GRM1: variants seen among roughly 807,000 people sequenced by gnomAD.
GRM1 encodes metabotropic glutamate receptor 1.
GRM1 carries 33 observed loss-of-function variants against 90.9 expected under a neutral mutation model. The ratio of observed to expected loss-of-function variants is 0.36; its 90% CI spans 0.28 to 0.49. The LOEUF is 0.49. Among genes scored for constraint, GRM1 ranks in the 20% least tolerant of loss-of-function variants. The probability of loss-of-function intolerance (pLI) is 0.99; values close to 1 mark genes in which losing one functional copy is unlikely to be tolerated. For synonymous variants in GRM1, 700 were observed against 613.2 expected (o/e 1.14, Z -2.09); for missense variants, 1,190 against 1,534.3 (o/e 0.78, Z 3.75).
rs77026887 is a variant in GRM1 at position 146,125,082 on chromosome 6, A to G, written c.701-34266A>G. Among the ~76,000 whole-genome samples the G allele has an allele frequency of 3.2e-3, 488 of 152,276 alleles. 1 individual carries two copies. Among genetic ancestry groups the G allele is most frequent in the African/African-American group, 0.011 (473 of 41,574 alleles). ...ACTCCAAATAGGTTTGAGATCAAGA[A>G]TGACCCAGGCTAGTTTTTATATTTC... On this transcript the variant is annotated intron_variant, in intron 1 of 7. Transcript: ENST00000282753.
At chr6:146,121,623 C>G (rs1562477015) in intron 1 of GRM1, among the ~76,000 whole-genome samples, 1 of 152,150 alleles carries the variant, frequency 6.6e-6, no homozygotes, top group Non-Finnish European at 1.5e-5. Context: ...CCCAGAGATT[C>G]TGGTATGTTG....
chr6:146,065,666 A>G (rs1171646755), intron 1 of GRM1, among the ~76,000 whole-genome samples: 2 of 152,200 alleles, frequency 1.3e-5, no homozygotes, highest in Non-Finnish European at 2.9e-5. Flanking sequence ...GGATAGAAGC[A>G]GGGTAGACCC....
At chr6:146,328,996 A>G (rs1784498508) in intron 3 of GRM1, among the ~76,000 whole-genome samples, 1 of 152,194 alleles carries the variant, frequency 6.6e-6, no homozygotes, top group South Asian at 2.1e-4. Flanking sequence ...AAATGCCACT[A>G]GTGTGAACCC....
intron 2 of GRM1, among the ~76,000 whole-genome samples, chr6:146,222,115 T>C (rs1340251510): frequency 1.3e-5 from 2 of 152,112 alleles, no homozygotes; most frequent in African/African-American, 4.8e-5. Flanking sequence ...ACCTGGTTAA[T>C]CCTTGCTTCT....
chr6:146,334,775 A>G (rs994174834), intron 3 of GRM1, among the ~76,000 whole-genome samples: 2 of 152,128 alleles, frequency 1.3e-5, no homozygotes, highest in Non-Finnish European at 2.9e-5. Flanking sequence ...ATGGATCATC[A>G]TTTGCATCTT....
intron 1 of GRM1, among the ~76,000 whole-genome samples, chr6:146,105,849 A>T (rs1208873064): frequency 6.6e-6 from 1 of 152,042 alleles, no homozygotes; most frequent in Non-Finnish European, 1.5e-5. Flanking sequence ...ACAGATTGGG[A>T]CTCCACAGGC....
chr6:146,397,585 A>G (rs1028775039), intron 6 of GRM1, among the ~76,000 whole-genome samples: 1 of 151,666 alleles, frequency 6.6e-6, no homozygotes, highest in Admixed American at 6.6e-5. Flanking sequence ...GCAGAAGACT[A>G]TTCATTTTAT....
intron 1 of GRM1, among the ~76,000 whole-genome samples, chr6:146,094,348 C>G (rs1429211002): frequency 6.6e-6 from 1 of 152,008 alleles, no homozygotes; most frequent in African/African-American, 2.4e-5. Flanking sequence ...TAGTCCTGGT[C>G]AGGGGCATAG....
intron 2 of GRM1, among the ~76,000 whole-genome samples, chr6:146,206,392 C>G (rs1213581956): frequency 6.6e-6 from 1 of 152,098 alleles, no homozygotes; most frequent in African/African-American, 2.4e-5. Context: ...GATCTTGATA[C>G]TGTCAGTTGC....
chr6:146,214,307 A>G (rs1238466161), intron 2 of GRM1, among the ~76,000 whole-genome samples: 1 of 152,222 alleles, frequency 6.6e-6, no homozygotes, highest in East Asian at 1.9e-4. Context: ...CTAAGCCATA[A>G]TGGGTCTCAT....
In GRM1 at chr6:146,183,949, G is replaced by T. The variant is rs59399531; in HGVS notation, c.950+24352G>T. On this transcript the variant is annotated intron_variant, in intron 2 of 7. Coordinates refer to ENST00000282753, the MANE Select transcript of GRM1 (RefSeq NM_001278064.2). ...ATCTCAGGAACTACAGCAATAATCA[G>T]GCCACTTAGTCTGTAAATCACACTT... is the stretch of plus-strand genomic sequence containing the variant. Among the ~76,000 whole-genome samples the T allele has an allele frequency of 1.2e-3, 184 of 152,218 alleles. 2 individuals carry two copies. In the East Asian group the frequency reaches 0.017, roughly 14 times the overall value.
intron 2 of GRM1, among the ~76,000 whole-genome samples, chr6:146,264,046 C>T (rs1781788886): frequency 6.6e-6 from 1 of 152,034 alleles, no homozygotes; most frequent in Admixed American, 6.6e-5. Context: ...GCTCTTGTTC[C>T]TAAATAGTCA....
At chr6:146,208,447 A>G in intron 2 of GRM1, among the ~76,000 whole-genome samples, 1 of 152,290 alleles carries the variant, frequency 6.6e-6, no homozygotes, top group Middle Eastern at 3.4e-3. Context: ...TCATTCTTAA[A>G]CAAGTAACAT....
intron 1 of GRM1, among the ~76,000 whole-genome samples, chr6:146,071,158 C>T (rs1352420863): frequency 6.6e-6 from 1 of 152,072 alleles, no homozygotes; most frequent in Non-Finnish European, 1.5e-5. Flanking sequence ...GTTTTGTCCA[C>T]GTGATTATTA....
chr6:146,051,647 G>A (rs1775296373), intron 1 of GRM1, among the ~76,000 whole-genome samples: 1 of 152,086 alleles, frequency 6.6e-6, no homozygotes, highest in South Asian at 2.1e-4. Context: ...TGGTTAGGGG[G>A]TCATGACAGA....
At chr6:146,266,329 A>G (rs1157909388) in intron 2 of GRM1, among the ~76,000 whole-genome samples, 1 of 152,272 alleles carries the variant, frequency 6.6e-6, no homozygotes, top group Non-Finnish European at 1.5e-5. Context: ...TTTGAATTAT[A>G]ACTTAAATAT....
At chr6:146,151,871 T>C (rs1777350156) in intron 1 of GRM1, among the ~76,000 whole-genome samples, 1 of 152,198 alleles carries the variant, frequency 6.6e-6, no homozygotes. Flanking sequence ...CTCCATGTGT[T>C]CTCCTTCATA....
chr6:146,158,318 G>A (rs1333547267), intron 1 of GRM1, among the ~76,000 whole-genome samples: 1 of 152,136 alleles, frequency 6.6e-6, no homozygotes, highest in Non-Finnish European at 1.5e-5. Context: ...AAAATAGGAA[G>A]GTTAATGGAT....
At chr6:146,286,682 G>A (rs1272276612) in intron 2 of GRM1, among the ~76,000 whole-genome samples, 3 of 152,200 alleles carry the variant, frequency 2.0e-5, no homozygotes, top group Non-Finnish European at 4.4e-5. Flanking sequence ...CAATTGGAAA[G>A]CGTAGTTGTT....
Sources: allele counts gnomAD v4.1 joint callset (sites outside exome capture counted in the v4.1 genomes callset), GRCh38; gene constraint gnomAD v4.1.1; transcripts MANE v1.5; gene names NCBI Gene and HGNC (gene_info 2026-07-23, HGNC 2026-07-21).